Variants in CD1B observed in about 807,000 individuals in gnomAD.
CD1B encodes the protein CD1b molecule.
A neutral mutation model predicts 39.8 loss-of-function variants in CD1B; 43 were observed. The ratio of observed to expected loss-of-function variants is 1.08; its 90% confidence interval spans 0.85 to 1.39. The LOEUF (loss-of-function observed/expected upper bound fraction) is 1.39. Ranked by LOEUF, CD1B falls within the 40% of genes most tolerant of loss-of-function variation. The pLI is 0.00. For synonymous variants in CD1B, 192 were observed against 152.5 expected (o/e 1.26, Z -1.91); for missense variants, 495 against 403.8 (o/e 1.23, Z -1.94).
the CD1B span, among the ~76,000 whole-genome samples, chr1:158,315,487 C>T: frequency 6.6e-6 from 1 of 151,884 alleles, no homozygotes; most frequent in African/African-American, 2.4e-5. Context: ...GTCCTTTGCC[C>T]ACTTTTTGAT....
At chr1:158,290,046 A>G in the CD1B span, 2 of 1,612,850 alleles carry the variant, frequency 1.2e-6, no homozygotes. Context: ...TCTGAGAGAA[A>G]GAAACATCTG....
chr1:158,317,635 T>G, the CD1B span, among the ~76,000 whole-genome samples: 1 of 152,210 alleles, frequency 6.6e-6, no homozygotes, highest in Non-Finnish European at 1.5e-5. Context: ...CATTAATTTT[T>G]TGAAGGGTTT....
the CD1B span, chr1:158,293,288 G>T: frequency 2.5e-6 from 4 of 1,613,602 alleles, no homozygotes; most frequent in Non-Finnish European, 3.4e-6. Context: ...TTGTGTTATG[G>T]TTTAAGAAGC....
At chr1:158,315,262 C>A in the CD1B span, among the ~76,000 whole-genome samples, 4 of 152,182 alleles carry the variant, frequency 2.6e-5, no homozygotes, top group Non-Finnish European at 4.4e-5. Flanking sequence ...AACTAGTTTA[C>A]AGTCCCATCA....
chr1:158,311,428 C>T, the CD1B span, among the ~76,000 whole-genome samples: 1 of 152,070 alleles, frequency 6.6e-6, no homozygotes, highest in African/African-American at 2.4e-5. Flanking sequence ...GGATCTTAAT[C>T]CCTTTGGATA....
chr1:158,328,906 C>T lies in CD1B; in HGVS notation c.980+15G>A. On this transcript the variant is annotated intron_variant, in intron 5 of 5. Transcript: ENST00000368168. ...AGACATATTAAAAAAAAAAACAACA[C>T]CACCCACAACTCACCGGCGCCTCAT... 1 of 1,550,434 alleles carries T rather than the reference C, an allele frequency of 6.4e-7. No individual in the cohort carries two copies. Among genetic ancestry groups the T allele is most frequent in the Non-Finnish European group, 8.7e-7 (1 of 1,149,810 alleles).
At chr1:158,311,467 T>A in the CD1B span, among the ~76,000 whole-genome samples, 1 of 152,182 alleles carries the variant, frequency 6.6e-6, no homozygotes, top group African/African-American at 2.4e-5. Flanking sequence ...TCTACCATTC[T>A]GTAGCTTATT....
chr1:158,304,226 C>T, the CD1B span, among the ~76,000 whole-genome samples: 12 of 152,118 alleles, frequency 7.9e-5, no homozygotes, highest in African/African-American at 2.4e-4. Flanking sequence ...CCAGGAAAAT[C>T]GGGTCATTCC....
rs746984607 is a variant in CD1B at position 158,330,130 on chromosome 1, T to A, written c.329A>T (p.Tyr110Phe). 4 of 1,607,044 alleles carry A rather than the reference T, an allele frequency of 2.5e-6. No individual in the cohort carries two copies. Among genetic ancestry groups the A allele is most frequent in the Non-Finnish European group, 2.5e-6 (3 of 1,177,620 alleles). ...QDFAGDFQMK[Y>F]PFEIQGIAGC... Reference sequence around the variant, plus strand: ...TGCTATGCCCTGGATCTCAAAGGGGTCTATGTAGAGGGAAAAGAGAGCAAG... The same window carrying A: ...TGCTATGCCCTGGATCTCAAAGGGGACTATGTAGAGGGAAAAGAGAGCAAG... The change falls in exon 3 of 6, where the codon TAC (tyrosine) becomes TTC (phenylalanine). Residue 110 changes from tyrosine to phenylalanine, a missense_variant and splice_region_variant. Physicochemically the swap from Tyr to Phe is conservative, Grantham distance 22. Transcript: ENST00000368168.
At chr1:158,292,546 T>C in the CD1B span, 2 of 1,586,684 alleles carry the variant, frequency 1.3e-6, no homozygotes, top group African/African-American at 2.7e-5. Context: ...TATGTGGATG[T>C]AAGTTGTGTG....
At chr1:158,305,582 G>A in the CD1B span, among the ~76,000 whole-genome samples, 1 of 152,024 alleles carries the variant, frequency 6.6e-6, no homozygotes, top group African/African-American at 2.4e-5. Context: ...TACAGAGAAT[G>A]CCACAAAGAT....
the CD1B span, among the ~76,000 whole-genome samples, chr1:158,286,891 C>T: frequency 1.3e-5 from 2 of 151,800 alleles, no homozygotes; most frequent in Non-Finnish European, 2.9e-5. Flanking sequence ...ACTGATTTAT[C>T]TCACTGATAA....
the CD1B span, among the ~76,000 whole-genome samples, chr1:158,290,831 A>G: frequency 6.6e-6 from 1 of 152,274 alleles, no homozygotes; most frequent in Non-Finnish European, 1.5e-5. Flanking sequence ...CAATGCAGAT[A>G]GTATGAACAT....
chr1:158,329,798 C>A, intron 3 of CD1B, 54 bp downstream of exon 3: 1 of 1,578,600 alleles, frequency 6.3e-7, no homozygotes, highest in Non-Finnish European at 8.6e-7. Flanking sequence ...TTGATATCTT[C>A]CTACTCTTGA....
chr1:158,317,122 T>C, the CD1B span, among the ~76,000 whole-genome samples: 4 of 152,070 alleles, frequency 2.6e-5, no homozygotes, highest in African/African-American at 7.3e-5. Context: ...TCTAAAATTC[T>C]CTTTTTTGGT....
At chr1:158,294,355 G>A in the CD1B span, among the ~76,000 whole-genome samples, 1 of 152,060 alleles carries the variant, frequency 6.6e-6, no homozygotes, top group Non-Finnish European at 1.5e-5. Context: ...ATATTTTTTG[G>A]GTACTGAGTT....
chr1:158,317,504 T>A, the CD1B span, among the ~76,000 whole-genome samples: 1 of 152,236 alleles, frequency 6.6e-6, no homozygotes, highest in Admixed American at 6.5e-5. Context: ...GGATCGGTGG[T>A]GATATCCCCT....
chr1:158,301,850 TG>T, the CD1B span, among the ~76,000 whole-genome samples: 1 of 152,172 alleles, frequency 6.6e-6, no homozygotes, highest in Non-Finnish European at 1.5e-5. Context: ...AGGTTGGGGA[TG>T]TTCTCCTGGA....
the CD1B span, among the ~76,000 whole-genome samples, chr1:158,314,295 G>A: frequency 6.6e-6 from 1 of 152,090 alleles, no homozygotes; most frequent in Non-Finnish European, 1.5e-5. Flanking sequence ...ATGTTGCTCA[G>A]GCTGGTGTTG....
Sources: gnomAD v4.1 joint callset for allele counts (sites outside exome capture counted in the v4.1 genomes callset) on GRCh38, gnomAD v4.1.1 for gene constraint, MANE v1.5 for transcripts, NCBI Gene and HGNC (gene_info 2026-07-23, HGNC 2026-07-21) for gene names.